The following GPHN variants were observed in gnomAD, a reference collection of about 807,000 sequenced individuals.
GPHN encodes the protein gephyrin.
In GPHN, 17 loss-of-function variants were observed where a neutral mutation model predicts 95.5. That is an observed-to-expected ratio of 0.18 (90% CI 0.12 to 0.27). The LOEUF (loss-of-function observed/expected upper bound fraction) is 0.27. Among genes scored for constraint, GPHN ranks in the 10% least tolerant of loss-of-function variants. The probability of loss-of-function intolerance (pLI) is 1.00; values close to 1 mark genes in which losing one functional copy is unlikely to be tolerated. For missense variants in GPHN, 660 were observed against 978.1 expected (o/e 0.67, Z 4.34); for synonymous variants, 320 against 322.5 (o/e 0.99, Z 0.08).
chr14:66,876,606 A>G (rs759640512), intron 4 of GPHN, among the ~76,000 whole-genome samples: 8 of 152,242 alleles, frequency 5.3e-5, no homozygotes, highest in Non-Finnish European at 7.3e-5. Flanking sequence ...ATCAGTGAAT[A>G]CTATAAATAC....
At chr14:67,307,762 G>A in the GPHN span, among the ~76,000 whole-genome samples, 3 of 152,010 alleles carry the variant, frequency 2.0e-5, no homozygotes, top group African/African-American at 7.2e-5. Flanking sequence ...ATAAATCTGC[G>A]ATAGTAAGAG....
At chr14:67,331,645 G>T in the GPHN span, among the ~76,000 whole-genome samples, 1 of 152,082 alleles carries the variant, frequency 6.6e-6, no homozygotes. Flanking sequence ...CTTCAGACAT[G>T]AAGTACTAAA....
the GPHN span, among the ~76,000 whole-genome samples, chr14:67,488,041 C>T: frequency 1.3e-5 from 2 of 152,254 alleles, no homozygotes; most frequent in African/African-American, 4.8e-5. Flanking sequence ...CCCCTGGATA[C>T]AACACCATCT....
At chr14:66,517,778 AC>A (rs144179262) in intron 1 of GPHN, among the ~76,000 whole-genome samples, 47,241 of 152,008 alleles carry the variant, frequency 0.31, 11,157 homozygotes, top group African/African-American at 0.63. Flanking sequence ...CTTATTCTGT[AC>A]AAAAATTAAC....
intron 9 of GPHN, among the ~76,000 whole-genome samples, chr14:67,022,335 A>G (rs1238121171): frequency 6.6e-6 from 1 of 151,102 alleles, no homozygotes; most frequent in East Asian, 1.9e-4. Flanking sequence ...TCTTTTCCTC[A>G]TTCTTGTGTC....
the GPHN span, chr14:67,562,254 C>A: frequency 6.2e-7 from 1 of 1,613,122 alleles, no homozygotes; most frequent in Non-Finnish European, 8.5e-7. Context: ...GGCTCCCAGG[C>A]CCAGGGTCTG....
chr14:67,644,069 A>G, the GPHN span, among the ~76,000 whole-genome samples: 7 of 152,240 alleles, frequency 4.6e-5, no homozygotes, highest in Middle Eastern at 3.4e-3. Flanking sequence ...GATCAATGTG[A>G]TTACCACAGA....
At chr14:66,913,502 C>T (rs1029271219) in intron 5 of GPHN, among the ~76,000 whole-genome samples, 4 of 151,980 alleles carry the variant, frequency 2.6e-5, no homozygotes, top group African/African-American at 7.2e-5. Flanking sequence ...CTACCACACC[C>T]GGCTAATTTT....
At chr14:66,855,047 A>G (rs1282411301) in intron 4 of GPHN, among the ~76,000 whole-genome samples, 1 of 152,052 alleles carries the variant, frequency 6.6e-6, no homozygotes, top group Admixed American at 6.6e-5. Context: ...GGGTTTCACC[A>G]TGTTAGCCAA....
chr14:67,066,016 A>G (rs1238803091), intron 11 of GPHN, among the ~76,000 whole-genome samples: 3 of 152,104 alleles, frequency 2.0e-5, no homozygotes, highest in Non-Finnish European at 4.4e-5. Context: ...TAATTGATGC[A>G]GTTTCTTCAT....
At chr14:67,341,319 G>A in the GPHN span, among the ~76,000 whole-genome samples, 2 of 151,684 alleles carry the variant, frequency 1.3e-5, no homozygotes, top group African/African-American at 4.9e-5. Context: ...GTCTCTGCCC[G>A]GCCACCCCGT....
intron 3 of GPHN, among the ~76,000 whole-genome samples, chr14:66,823,740 G>A (rs935113460): frequency 6.6e-6 from 1 of 151,756 alleles, no homozygotes; most frequent in Non-Finnish European, 1.5e-5. Flanking sequence ...AGAATTGTGG[G>A]GACCGTATTG....
At chr14:66,525,179 A>G (rs2058636857) in intron 1 of GPHN, among the ~76,000 whole-genome samples, 1 of 152,130 alleles carries the variant, frequency 6.6e-6, no homozygotes, top group South Asian at 2.1e-4. Flanking sequence ...CTTTTTAATG[A>G]TCACCATTCT....
chr14:67,705,774 T>C, the GPHN span, among the ~76,000 whole-genome samples: 1 of 152,212 alleles, frequency 6.6e-6, no homozygotes, highest in African/African-American at 2.4e-5. Context: ...AAATAAGATG[T>C]TTTAAAAGAC....
At chr14:67,457,357 G>T in the GPHN span, among the ~76,000 whole-genome samples, 1 of 152,234 alleles carries the variant, frequency 6.6e-6, no homozygotes, top group Non-Finnish European at 1.5e-5. Context: ...AGCTTGGGAG[G>T]CTGAAGTGGG....
chr14:67,646,856 C>A, the GPHN span: 1 of 1,389,456 alleles, frequency 7.2e-7, no homozygotes, highest in Admixed American at 1.7e-5. Flanking sequence ...ACCCTCTCCC[C>A]CAAATACATA....
the GPHN span, among the ~76,000 whole-genome samples, chr14:67,388,610 A>G: frequency 0.082 from 12,420 of 152,224 alleles, 1,198 homozygotes; most frequent in African/African-American, 0.23. Flanking sequence ...TGCTACCCGG[A>G]AAAACATTCA....
At chr14:66,804,298 T>C (rs2060465489) in intron 3 of GPHN, among the ~76,000 whole-genome samples, 1 of 152,154 alleles carries the variant, frequency 6.6e-6, no homozygotes, top group Non-Finnish European at 1.5e-5. Flanking sequence ...GCAGCCCAGC[T>C]CTCTTGTCTC....
At chr14:66,638,458 A>G (rs9806007) in intron 1 of GPHN, among the ~76,000 whole-genome samples, 47,115 of 151,494 alleles carry the variant, frequency 0.31, 11,128 homozygotes, top group African/African-American at 0.64. Flanking sequence ...CAACAACGAC[A>G]ACAACAACAA....
Sources: gnomAD v4.1 joint callset for allele counts (sites outside exome capture counted in the v4.1 genomes callset) on GRCh38, gnomAD v4.1.1 for gene constraint, MANE v1.5 for transcripts, NCBI Gene and HGNC (gene_info 2026-07-23, HGNC 2026-07-21) for gene names.